The following ZNF821 variants were observed in gnomAD, a reference collection of about 807,000 sequenced individuals.
ZNF821 encodes the protein zinc finger protein 821.
A neutral mutation model predicts 44.3 loss-of-function variants in ZNF821; 16 were observed. The ratio of observed to expected loss-of-function variants is 0.36; its 90% CI spans 0.24 to 0.55. ZNF821 has a LOEUF of 0.55. Among genes scored for constraint, ZNF821 ranks in the 20% least tolerant of loss-of-function variants. The probability of loss-of-function intolerance (pLI) is 0.86; values close to 1 mark genes in which losing one functional copy is unlikely to be tolerated. For missense variants in ZNF821, 436 were observed against 547.6 expected (o/e 0.80, Z 2.03); for synonymous variants, 204 against 197.6 (o/e 1.03, Z -0.27).
chr16:71,879,801 T>G (rs543905565), intron 3 of ZNF821, 106 bp downstream of exon 3: 1 of 1,127,328 alleles, frequency 8.9e-7, no homozygotes, highest in South Asian at 1.6e-5. Flanking sequence ...ACATTTAAAC[T>G]TTTCTTCTTC....
At chr16:71,891,553 T>A (rs2036885446) in intron 1 of ZNF821, 1 of 152,028 alleles carries the variant, frequency 6.6e-6, no homozygotes, top group Non-Finnish European at 1.5e-5. Flanking sequence ...AACTCCCGAG[T>A]AGAAAGCAAT....
exon 1 of ZNF821, chr16:71,894,892 G>C: frequency 1.4e-6 from 2 of 1,408,424 alleles, no homozygotes. Flanking sequence ...TGAATACCGA[G>C]ATAAATTAGG....
chr16:71,861,850 T>G lies in ZNF821; in HGVS notation c.510A>C (p.Leu170Phe). ...TAGATCGCTGGTCCTCCGAGTGGAT[T>G]AAGAGGTGGCGACCCAATGACCCCG... ...SSPGSLGRHL[L>F]IHSEDQRSNC... Residue 170 changes from leucine to phenylalanine, a missense_variant, in exon 7 of 8, where the codon TTA (leucine) becomes TTC (phenylalanine). By Grantham distance (22) the Leu-to-Phe change is conservative. Transcript: ENST00000425432. 6.2e-7 allele frequency: 1 copy of G among 1,614,080 alleles called. No individual in the cohort carries two copies. The highest frequency in any genetic ancestry group is 1.7e-5 in the Admixed American group (1 of 60,008).
At chr16:71,873,640 G>T (rs1319447868) in intron 3 of ZNF821, among the ~76,000 whole-genome samples, 1 of 152,098 alleles carries the variant, frequency 6.6e-6, no homozygotes, top group South Asian at 2.1e-4. Flanking sequence ...ACAGCAGTGG[G>T]ATTCTTTTTT....
At chr16:71,873,873 G>A (rs1446022870) in intron 3 of ZNF821, among the ~76,000 whole-genome samples, 1 of 151,310 alleles carries the variant, frequency 6.6e-6, no homozygotes, top group Non-Finnish European at 1.5e-5. Context: ...AGCTGGTCTC[G>A]AACTCCTGGC....
Position 71,894,716 on chromosome 16 carries a change from T to TTTTTG in ZNF821, n.448+172_448+173insCAAAA. 5.4e-6 allele frequency: 3 copies of TTTTTG among 557,206 alleles called. 1 individual carries two copies. The highest frequency in any genetic ancestry group is 2.5e-5 in the South Asian group (1 of 39,798). The allele number at this position is 557,206 out of a possible 1,614,324, so 34.5% of individuals were successfully genotyped here. A position where few individuals can be genotyped will look rare whatever the true frequency, so the allele number is the denominator to read the frequency against. On this transcript the variant is annotated intron_variant and non_coding_transcript_variant, in intron 1 of 2. Coordinates refer to the ZNF821 transcript ENST00000561700. ...TTTTTAACTTTTTTTTTTTTTTTTT[T>TTTTTG]GTAGCGATGCGGTTTCACTATGGTG... is the stretch of plus-strand genomic sequence containing the variant.
chr16:71,891,354 C>T (rs922913028), intron 1 of ZNF821: 3 of 152,224 alleles, frequency 2.0e-5, no homozygotes, highest in African/African-American at 7.2e-5. Context: ...GTATGTTTAG[C>T]TTCTGAATGA....
chr16:71,886,419 G>C (rs536954012), upstream of ZNF821, among the ~76,000 whole-genome samples: 17 of 152,248 alleles, frequency 1.1e-4, no homozygotes, highest in South Asian at 3.5e-3. Context: ...ACCTAAACTT[G>C]TTCTACATCT....
intron 7 of ZNF821, among the ~76,000 whole-genome samples, chr16:71,861,355 A>C (rs931178259): frequency 1.3e-5 from 2 of 152,044 alleles, no homozygotes; most frequent in African/African-American, 4.8e-5. Flanking sequence ...CAGACCACCA[A>C]CTCACCTCCT....
At position 71,860,856 on chromosome 16, in the gene ZNF821, C is replaced by CTT. The variant is rs36005705; in HGVS notation, c.585-186_585-185dup. Among the ~76,000 whole-genome samples the CTT allele has an allele frequency of 4.5e-3, 605 of 135,936 alleles. 8 individuals are homozygous for CTT. The highest frequency in any genetic ancestry group is 0.02 in the South Asian group (86 of 4,278). The allele number at this position is 135,936 out of a possible 152,430, so 89.2% of individuals were successfully genotyped here. On this transcript the variant is annotated intron_variant, in intron 7 of 7. Coordinates refer to ENST00000425432, the MANE Select transcript of ZNF821 (RefSeq NM_001201552.2). The surrounding 1 kb of genome is among the most constrained non-coding windows in gnomAD (Gnocchi z 7.3). ...TCTTCGCGTGAGAGTTGTCTACCAA[C>CTT]TTTTTTTTTTTTTTTTTGAGACAGA...
Position 71,874,982 on chromosome 16 carries a change from C to T in ZNF821, c.40+4925G>A, listed in dbSNP as rs929850689. Among the ~76,000 whole-genome samples, 3 of 152,192 alleles carry T rather than the reference C, an allele frequency of 2.0e-5. No homozygotes were observed. The South Asian group carries it at 6.2e-4, about 32-fold the overall frequency. ...AAGGTCCTCTGAAACTAGCAAATCT[C>T]AGTTTTTCTTTTTTAGTCAAGCTTA... On this transcript the variant is annotated intron_variant, in intron 3 of 7. Coordinates refer to ENST00000425432, the MANE Select transcript of ZNF821 (RefSeq NM_001201552.2).
At chr16:71,890,900 C>G in intron 1 of ZNF821, among the ~76,000 whole-genome samples, 1 of 150,888 alleles carries the variant, frequency 6.6e-6, no homozygotes, top group South Asian at 2.1e-4. Context: ...GCCTCCCAAG[C>G]AGCTGGGACT....
chr16:71,869,216 G>A (rs1295391947), intron 3 of ZNF821, among the ~76,000 whole-genome samples: 1 of 152,172 alleles, frequency 6.6e-6, no homozygotes, highest in Non-Finnish European at 1.5e-5. Flanking sequence ...AAAAGCCCTA[G>A]TGAAATGTCT....
At chr16:71,875,610 C>CG (rs1449398146) in intron 3 of ZNF821, among the ~76,000 whole-genome samples, 4 of 152,082 alleles carry the variant, frequency 2.6e-5, no homozygotes, top group Non-Finnish European at 5.9e-5. Context: ...CCCACCACCA[C>CG]GCCCGGCTAA....
At position 71,870,028 on chromosome 16, in the gene ZNF821, T is replaced by C. The variant is rs1440087890; in HGVS notation, c.41-1991A>G. ...TGGTTTTGCTGAAAACAAACTCTTA[T>C]CTCTGTGTGAGAACGGCTCTGATCC... On this transcript the variant is annotated intron_variant, in intron 3 of 7. Transcript: ENST00000425432. 3.3e-5 allele frequency among the ~76,000 whole-genome samples: 5 copies of C among 152,314 alleles called. No homozygotes were observed. In the South Asian group the frequency reaches 1.0e-3, roughly 32 times the overall value.
At chr16:71,887,527 C>CT (rs1455506610), upstream of ZNF821, among the ~76,000 whole-genome samples, 1 of 152,200 alleles carries the variant, frequency 6.6e-6, no homozygotes, top group South Asian at 2.1e-4. Context: ...TCCCAAAGTG[C>CT]TGGGATTACA....
chr16:71,884,288 C>T (rs1399006835), upstream of ZNF821: 1 of 152,204 alleles, frequency 6.6e-6, no homozygotes, highest in East Asian at 1.9e-4. Flanking sequence ...TGGGCGGGGC[C>T]TGAGGAGAGG....
At chr16:71,891,964 C>T (rs2036888113) in intron 1 of ZNF821, among the ~76,000 whole-genome samples, 1 of 140,118 alleles carries the variant, frequency 7.1e-6, no homozygotes, top group Non-Finnish European at 1.5e-5. Flanking sequence ...CCACTGCACT[C>T]CACCCTGGGC....
intron 3 of ZNF821, among the ~76,000 whole-genome samples, chr16:71,869,084 C>T (rs1039519499): frequency 1.8e-4 from 27 of 152,086 alleles, no homozygotes; most frequent in African/African-American, 5.3e-4. Context: ...TACTAAGTGC[C>T]CTTTTATTTC....
Sources: allele counts gnomAD v4.1 joint callset (sites outside exome capture counted in the v4.1 genomes callset), GRCh38; gene constraint gnomAD v4.1.1; non-coding constraint Gnocchi (gnomAD v3.1); transcripts MANE v1.5; gene names NCBI Gene and HGNC (gene_info 2026-07-23, HGNC 2026-07-21).